MED18: variants seen among roughly 807,000 people sequenced by gnomAD.
The protein encoded by MED18 is mediator complex subunit 18.
In MED18, 10 loss-of-function variants were observed where a neutral mutation model predicts 13.9. The observed-to-expected ratio is 0.72, with a 90% confidence interval of 0.44 to 1.22. The LOEUF (loss-of-function observed/expected upper bound fraction) is 1.22. MED18 is among the 50% of genes most tolerant of loss of function. The pLI, the probability that MED18 is intolerant of heterozygous loss-of-function variation, is 0.00. For missense variants in MED18, 216 were observed against 279.0 expected, an observed-to-expected ratio of 0.77 and a Z score of 1.61; for synonymous variants, 88 against 93.2, an observed-to-expected ratio of 0.94 and a Z score of 0.32.
Position 28,335,542 on chromosome 1 carries a change from G to C in MED18, c.*572G>C, listed in dbSNP as rs1649915854. On this transcript the variant is annotated 3_prime_UTR_variant, in exon 3 of 3. Coordinates refer to ENST00000373842, the MANE Select transcript of MED18 (RefSeq NM_017638.3). ...CCACTGTATTAAGAGGGGAAACCGG[G>C]CCAAGCGCAGTGGCTCACACCTCTA... 1 of 152,566 alleles carries C rather than the reference G, an allele frequency of 6.6e-6. No homozygotes were observed. Among genetic ancestry groups the C allele is most frequent in the Non-Finnish European group, 1.5e-5 (1 of 68,496 alleles). The allele number at this position is 152,566 out of a possible 1,614,324, so 9.5% of individuals were successfully genotyped here.
rs766521714 is a variant in MED18 at position 28,330,588 on chromosome 1, CTT to C, written c.-66-6_-66-5del. 27 of 1,184,706 alleles carry C rather than the reference CTT, an allele frequency of 2.3e-5. No individual in the cohort carries two copies. Among genetic ancestry groups the C allele is most frequent in the Non-Finnish European group, 3.0e-5 (25 of 821,154 alleles). The allele number at this position is 1,184,706 out of a possible 1,614,324, so 73.4% of individuals were successfully genotyped here. A position where few individuals can be genotyped will look rare whatever the true frequency, so the allele number is the denominator to read the frequency against. ...ACTTTGATGTATAAACAAGTGAACT[CTT>C]TTCCAGGTATATCCCGTGCCTTACC... is the stretch of plus-strand genomic sequence containing the variant. On this transcript the variant is annotated splice_region_variant and splice_polypyrimidine_tract_variant and intron_variant, in intron 1 of 2. Transcript: ENST00000373842.
Position 28,334,351 on chromosome 1 carries a change from A to G in MED18, c.74-66A>G, listed in dbSNP as rs772500032. 5.3e-6 allele frequency: 8 copies of G among 1,498,734 alleles called. No homozygotes were observed. In the African/African-American group the frequency reaches 1.1e-4, roughly 21 times the overall value. 92.8% of individuals were successfully genotyped at this position (1,498,734 alleles called of 1,614,324 possible). ...TTTGGTTTTTCATTTAAGTTTTTTC[A>G]ATTGTATACTAACTCCATGACCTAA... is the stretch of plus-strand genomic sequence containing the variant. On this transcript the variant is annotated intron_variant, in intron 2 of 2. Transcript: ENST00000373842.
In MED18 at chr1:28,334,781, C is replaced by A; in HGVS notation, c.438C>A (p.Tyr146Ter). The A allele has an allele frequency of 6.2e-7, 1 of 1,614,152 alleles. No individual in the cohort carries two copies. Among genetic ancestry groups the A allele is most frequent in the Middle Eastern group, 1.6e-4 (1 of 6,062 alleles). The part of the protein sequence containing the change: ...FRKGIMKIMV[Y>*]KIFRILVPGN... The stretch of plus-strand genomic sequence containing the variant: ...AGGGCATCATGAAGATTATGGTGTA[C>A]AAGATTTTCCGCATCCTGGTGCCAG... Residue 146 changes from tyrosine (Y) to a stop codon, truncating the protein, a stop_gained, in exon 3 of 3, where the codon TAC (tyrosine) becomes TAA (stop). Transcript: ENST00000373842. LOFTEE classifies it high-confidence loss of function.
At position 28,330,606 on chromosome 1, in the gene MED18, G is replaced by T. The variant is rs568404712; in HGVS notation, c.-57G>T. 1.2e-5 allele frequency: 17 copies of T among 1,401,166 alleles called. No homozygotes were observed. The Admixed American group carries it at 2.0e-4, about 17-fold the overall frequency. 86.8% of individuals were successfully genotyped at this position (1,401,166 alleles called of 1,614,324 possible). On this transcript the variant is annotated 5_prime_UTR_variant, in exon 2 of 3. Transcript: ENST00000373842. ...GTGAACTCTTTTCCAGGTATATCCCGTGCCTTACCTGACTGGGGGCTCTGA... is the reference window on the plus strand; with the variant it reads ...GTGAACTCTTTTCCAGGTATATCCCTTGCCTTACCTGACTGGGGGCTCTGA...
chr1:28,331,303 G>A (rs1649726907), intron 2 of MED18, among the ~76,000 whole-genome samples: 1 of 151,880 alleles, frequency 6.6e-6, no homozygotes, highest in African/African-American at 2.4e-5. Context: ...TTTATTGTGA[G>A]TAGCTTGAAA....
Position 28,334,953 on chromosome 1 carries a change from C to T in MED18, c.610C>T (p.Pro204Ser), listed in dbSNP as rs772485904. 1 of 1,613,110 alleles carries T rather than the reference C, an allele frequency of 6.2e-7. No homozygotes were observed. The highest frequency in any genetic ancestry group is 8.5e-7 in the Non-Finnish European group (1 of 1,179,354). The change falls in exon 3 of 3, where the codon CCC (proline) becomes TCC (serine). Residue 204 changes from proline to serine, a missense_variant. Physicochemically the swap from Pro to Ser is moderately conservative, Grantham distance 74. Transcript: ENST00000373842. ...TCTGGTTCACCTAGAGAAAATAGAC[C>T]CCAAGAGGCTCATGTGACTAAGAGG... The part of the protein sequence containing the change: ...KPLVHLEKID[P>S]KRLM
chr1:28,334,357 A>T, intron 2 of MED18, 60 bp from the exon 3 acceptor site: 1 of 1,526,408 alleles, frequency 6.6e-7, no homozygotes, highest in Admixed American at 2.1e-5. Flanking sequence ...TTTCAATTGT[A>T]TACTAACTCC....
Position 28,335,264 on chromosome 1 carries a change from ACTC to A in MED18, c.*297_*299del, listed in dbSNP as rs1649905226. On this transcript the variant is annotated 3_prime_UTR_variant, in exon 3 of 3. Coordinates refer to ENST00000373842, the MANE Select transcript of MED18 (RefSeq NM_017638.3). ...ACCATGTTGGTCAGGCTATTCTCGA[ACTC>A]CTGACCTCGTGATCCACCCACCTTG... 7.4e-6 allele frequency: 2 copies of A among 271,090 alleles called. No individual in the cohort carries two copies. The highest frequency in any genetic ancestry group is 1.4e-5 in the Non-Finnish European group (2 of 141,774). 16.8% of individuals were successfully genotyped at this position (271,090 alleles called of 1,614,324 possible).
chr1:28,330,053 C>G (rs951284701), intron 1 of MED18, among the ~76,000 whole-genome samples: 3 of 152,022 alleles, frequency 2.0e-5, no homozygotes, highest in Non-Finnish European at 4.4e-5. Flanking sequence ...CTGAGTATCA[C>G]CTGAGGCCAG....
chr1:28,335,332 G>A lies in MED18; in HGVS notation c.*362G>A, dbSNP rs984969940. 1.5e-5 allele frequency: 3 copies of A among 198,928 alleles called. No homozygotes were observed. The highest frequency in any genetic ancestry group is 2.1e-4 in the South Asian group (2 of 9,460). The allele number at this position is 198,928 out of a possible 1,614,324, so 12.3% of individuals were successfully genotyped here. A position where few individuals can be genotyped will look rare whatever the true frequency, so the allele number is the denominator to read the frequency against. ...TGGGATTACAGGCATGAGCCACCAC[G>A]CCTGGCCAAAAAAATATGTTTTAAA... On this transcript the variant is annotated 3_prime_UTR_variant, in exon 3 of 3. Coordinates refer to ENST00000373842, the MANE Select transcript of MED18 (RefSeq NM_017638.3).
At position 28,329,433 on chromosome 1, in the gene MED18, T is replaced by A. The variant is rs1326197946; in HGVS notation, c.-67+253T>A. On this transcript the variant is annotated intron_variant, in intron 1 of 2. Coordinates refer to ENST00000373842, the MANE Select transcript of MED18 (RefSeq NM_017638.3). ...CCTGAGGAGCTGGGATTACAGGCGC[T>A]CGCCACCAGGCCTGGCTAATTTTTT... Among the ~76,000 whole-genome samples the A allele has an allele frequency of 3.9e-5, 6 of 151,916 alleles. No individual in the cohort carries two copies. In the East Asian group the frequency reaches 1.2e-3, roughly 29 times the overall value.
At position 28,329,096 on chromosome 1, in the gene MED18, G is replaced by A. The variant is rs1321297715; in HGVS notation, c.-151G>A. The A allele has an allele frequency of 6.6e-6, 1 of 152,168 alleles. No individual in the cohort carries two copies. Among genetic ancestry groups the A allele is most frequent in the Admixed American group, 6.6e-5 (1 of 15,244 alleles). 9.4% of individuals were successfully genotyped at this position (152,168 alleles called of 1,614,324 possible). A position where few individuals can be genotyped will look rare whatever the true frequency, so the allele number is the denominator to read the frequency against. On this transcript the variant is annotated 5_prime_UTR_variant, in exon 1 of 3. Transcript: ENST00000373842. ...CCGGGCTCGGGTAACCGGAGTGCTG[G>A]TATCTAATCGTCGCTCAAAAGCTCC...
chr1:28,330,626 C>T lies in MED18; in HGVS notation c.-37C>T, dbSNP rs746878046. On this transcript the variant is annotated 5_prime_UTR_variant, in exon 2 of 3. Transcript: ENST00000373842. ...ATCCCGTGCCTTACCTGACTGGGGG[C>T]TCTGAGTCCAGTTGTGTTGTCTTCA... The T allele has an allele frequency of 6.4e-7, 1 of 1,565,716 alleles. No homozygotes were observed. Among genetic ancestry groups the T allele is most frequent in the Admixed American group, 1.8e-5 (1 of 56,416 alleles).
chr1:28,330,637 G>C lies in MED18; in HGVS notation c.-26G>C, dbSNP rs1649689604. The C allele has an allele frequency of 6.3e-7, 1 of 1,594,998 alleles. No homozygotes were observed. The highest frequency in any genetic ancestry group is 1.7e-5 in the Admixed American group (1 of 57,528). On this transcript the variant is annotated 5_prime_UTR_variant, in exon 2 of 3. Transcript: ENST00000373842. ...TACCTGACTGGGGGCTCTGAGTCCA[G>C]TTGTGTTGTCTTCAACTTAGACACC...
At chr1:28,333,966 C>G (rs1175810583) in intron 2 of MED18, among the ~76,000 whole-genome samples, 1 of 152,216 alleles carries the variant, frequency 6.6e-6, no homozygotes, top group African/African-American at 2.4e-5. Context: ...GTGTTATTGG[C>G]TGGGCATGGT....
At chr1:28,333,538 A>G (rs1448763533) in intron 2 of MED18, among the ~76,000 whole-genome samples, 1 of 152,230 alleles carries the variant, frequency 6.6e-6, no homozygotes, top group East Asian at 1.9e-4. Context: ...TTCTACTTAC[A>G]TACAGAAGAG....
At chr1:28,333,339 T>C (rs1298933806) in intron 2 of MED18, among the ~76,000 whole-genome samples, 1 of 151,888 alleles carries the variant, frequency 6.6e-6, no homozygotes, top group Non-Finnish European at 1.5e-5. Context: ...AGTCCTCCAG[T>C]GTTTGGGGAA....
In MED18 at chr1:28,334,566, T is replaced by C. The variant is rs1283352502; in HGVS notation, c.223T>C (p.Ser75Pro). The change falls in exon 3 of 3, where the codon TCT becomes CCT. Residue 75 changes from serine (S) to proline (P), a missense_variant. Coordinates refer to ENST00000373842, the MANE Select transcript of MED18 (RefSeq NM_017638.3). ...CCCATTTGTTCTCAGGGCCCGACGC[T>C]CTATGGACAGGGCAGGGGCACCCTG... ...ASPFVLRARR[S>P]MDRAGAPWHL... is the part of the protein sequence containing the mutation. The C allele has an allele frequency of 6.2e-7, 1 of 1,614,082 alleles. No individual in the cohort carries two copies. Among genetic ancestry groups the C allele is most frequent in the Non-Finnish European group, 8.5e-7 (1 of 1,180,012 alleles).
chr1:28,334,476 A>G lies in MED18; in HGVS notation c.133A>G (p.Asn45Asp), dbSNP rs2149055504. 1 of 1,614,234 alleles carries G rather than the reference A, an allele frequency of 6.2e-7. No individual in the cohort carries two copies. Among genetic ancestry groups the G allele is most frequent in the Non-Finnish European group, 8.5e-7 (1 of 1,180,054 alleles). The change falls in exon 3 of 3, where the codon AAC (asparagine) becomes GAC (aspartate). Residue 45 changes from asparagine (N) to aspartate (D), a missense_variant. Transcript: ENST00000373842. ...LIHRLRGLCDNMEPETFLDHE... is the reference protein window; with the variant it reads ...LIHRLRGLCDDMEPETFLDHE... ...CCACCGCCTTCGTGGTTTGTGTGAC[A>G]ACATGGAACCTGAGACTTTCCTTGA... is the stretch of plus-strand genomic sequence containing the variant.
Sources: allele counts gnomAD v4.1 joint callset (sites outside exome capture counted in the v4.1 genomes callset), GRCh38; gene constraint gnomAD v4.1.1; transcripts MANE v1.5; gene names NCBI Gene and HGNC (gene_info 2026-07-23, HGNC 2026-07-21).